CALHM4: variants seen among roughly 807,000 people sequenced by gnomAD.
CALHM4 encodes the protein calcium homeostasis modulator family member 4, also known as calcium homeostasis modulator protein 4.
CALHM4 carries 16 observed loss-of-function variants against 13.3 expected under a neutral mutation model. That is an observed-to-expected ratio of 1.20 (90% CI 0.81 to 1.82). CALHM4 has a LOEUF of 1.82. Among genes scored for constraint, CALHM4 ranks in the 40% most tolerant of loss-of-function variants. The probability of loss-of-function intolerance (pLI) is 0.00; values close to 1 mark genes in which losing one functional copy is unlikely to be tolerated. For synonymous variants in CALHM4, 127 were observed against 137.1 expected, an observed-to-expected ratio of 0.93 and a Z score of 0.52; for missense variants, 344 against 374.9, an observed-to-expected ratio of 0.92 and a Z score of 0.68.
upstream of CALHM4, among the ~76,000 whole-genome samples, chr6:116,550,385 G>A (rs1774026001): frequency 6.6e-6 from 1 of 151,972 alleles, no homozygotes; most frequent in Non-Finnish European, 1.5e-5. Context: ...TGGCACTTCC[G>A]CTCATCTGTG....
intron 1 of CALHM4, among the ~76,000 whole-genome samples, chr6:116,541,956 T>A (rs1425064626): frequency 1.3e-5 from 2 of 152,218 alleles, no homozygotes. Context: ...AAGATCTTTC[T>A]GCAGCTTCTC....
intron 1 of CALHM4, chr6:116,540,437 C>T (rs1773370197): frequency 6.4e-7 from 1 of 1,551,216 alleles, no homozygotes; most frequent in South Asian, 1.2e-5. Context: ...AAGTCTTCCA[C>T]AAGCCGCGTT....
chr6:116,531,076 A>G (rs942154209), intron 1 of CALHM4, among the ~76,000 whole-genome samples: 1 of 151,936 alleles, frequency 6.6e-6, no homozygotes, highest in Non-Finnish European at 1.5e-5. Context: ...TGTTCTATCT[A>G]ATTATCCTGC....
chr6:116,550,029 C>CAT (rs1774003460), upstream of CALHM4, among the ~76,000 whole-genome samples: 1 of 140,322 alleles, frequency 7.1e-6, no homozygotes, highest in Non-Finnish European at 1.5e-5. Context: ...TATATATACA[C>CAT]ACACACACAC....
chr6:116,541,116 G>C (rs1773423214), intron 1 of CALHM4, among the ~76,000 whole-genome samples: 1 of 152,018 alleles, frequency 6.6e-6, no homozygotes, highest in African/African-American at 2.4e-5. Context: ...AGCTCTAGTA[G>C]TGCCTGAAGT....
At chr6:116,556,420 T>C (rs1774319761) in intron 1 of CALHM4, among the ~76,000 whole-genome samples, 1 of 152,184 alleles carries the variant, frequency 6.6e-6, no homozygotes, top group Non-Finnish European at 1.5e-5. Flanking sequence ...AACCTGGAGC[T>C]CAGTAAATGA....
intron 1 of CALHM4, among the ~76,000 whole-genome samples, chr6:116,536,807 T>A (rs1773124501): frequency 6.6e-6 from 1 of 152,190 alleles, no homozygotes; most frequent in South Asian, 2.1e-4. Context: ...GGGAGCAGCA[T>A]GTGACTACAG....
chr6:116,553,801 C>T lies in CALHM4; in HGVS notation c.8C>T (p.Pro3Leu), dbSNP rs1374654810. 3.2e-6 allele frequency: 5 copies of T among 1,549,258 alleles called. No homozygotes were observed. In the Admixed American group the frequency reaches 7.9e-5, roughly 24 times the overall value. Residue 3 changes from proline to leucine, a missense_variant, in exon 1 of 2, where the codon CCA (proline) becomes CTA (leucine). Transcript: ENST00000368596. The stretch of plus-strand genomic sequence containing the variant: ...GTGTAACAGCTTCCCAAGATGTGCC[C>T]AACTCTCAACAATATTGTGTCTTCT... MC[P>L]TLNNIVSSLQ...
chr6:116,540,684 G>A (rs1476200147), intron 1 of CALHM4, among the ~76,000 whole-genome samples: 1 of 152,036 alleles, frequency 6.6e-6, no homozygotes, highest in African/African-American at 2.4e-5. Context: ...TCTCCTGCAA[G>A]CAGAAGAGTC....
At chr6:116,533,661 T>A (rs574381349) in intron 1 of CALHM4, among the ~76,000 whole-genome samples, 2 of 152,378 alleles carry the variant, frequency 1.3e-5, no homozygotes, top group Admixed American at 1.3e-4. Context: ...TGCTGTTCAA[T>A]GCCCTACTTG....
rs925575674 is a variant in CALHM4, at chr6:116,560,656, G to A, written c.*2445G>A. 4.1e-5 allele frequency among the ~76,000 whole-genome samples: 6 copies of A among 146,888 alleles called. No homozygotes were observed. The highest frequency in any genetic ancestry group is 5.0e-5 in the African/African-American group (2 of 40,092). On this transcript the variant is annotated 3_prime_UTR_variant, in exon 2 of 2. Coordinates refer to ENST00000368596, the MANE Select transcript of CALHM4 (RefSeq NM_001366078.2). ...AATGGAATTTTTAGTATTTTGGGGG[G>A]GGGGGGGGCTATGGTCTATAGCATT... is the stretch of plus-strand genomic sequence containing the variant.
At chr6:116,545,440 A>G (rs1773721266) in intron 2 of CALHM4, 1 of 1,516,858 alleles carries the variant, frequency 6.6e-7, no homozygotes, top group African/African-American at 1.4e-5. Context: ...TTTTCTCTGA[A>G]GTAGAAAAAA....
intron 2 of CALHM4, among the ~76,000 whole-genome samples, chr6:116,546,952 C>T (rs1036503619): frequency 7.9e-5 from 12 of 152,106 alleles, no homozygotes; most frequent in South Asian, 4.1e-4. Flanking sequence ...ACATGGTTTT[C>T]GTTCTCTTCA....
At chr6:116,554,943 A>G in intron 1 of CALHM4, among the ~76,000 whole-genome samples, 1 of 152,172 alleles carries the variant, frequency 6.6e-6, no homozygotes, top group East Asian at 1.9e-4. Flanking sequence ...TTGAATTTTA[A>G]AAGTGCTATT....
At chr6:116,537,429 G>A (rs772234858) in intron 1 of CALHM4, among the ~76,000 whole-genome samples, 22 of 152,230 alleles carry the variant, frequency 1.4e-4, no homozygotes, top group Non-Finnish European at 2.4e-4. Flanking sequence ...CTCTTTTAAA[G>A]ACAGAATATG....
At chr6:116,556,553 T>G (rs1774326212) in intron 1 of CALHM4, among the ~76,000 whole-genome samples, 1 of 152,182 alleles carries the variant, frequency 6.6e-6, no homozygotes. Context: ...ACTATCCCAC[T>G]GTGCACACAC....
intron 1 of CALHM4, among the ~76,000 whole-genome samples, chr6:116,556,312 T>C (rs1446919655): frequency 1.3e-5 from 2 of 152,238 alleles, no homozygotes; most frequent in African/African-American, 4.8e-5. Context: ...TGTCTCCTTT[T>C]TTAGGCTTAA....
intron 1 of CALHM4, among the ~76,000 whole-genome samples, chr6:116,534,699 A>G (rs1015057667): frequency 1.3e-5 from 2 of 151,812 alleles, no homozygotes; most frequent in African/African-American, 2.4e-5. Flanking sequence ...ATTGCTTCCT[A>G]TGATCATTTC....
At chr6:116,547,791 T>C (rs1773871248) in intron 2 of CALHM4, among the ~76,000 whole-genome samples, 1 of 152,236 alleles carries the variant, frequency 6.6e-6, no homozygotes, top group Non-Finnish European at 1.5e-5. Context: ...TTTTTCCTGT[T>C]TTACTAAGAG....
Sources: allele counts gnomAD v4.1 joint callset (sites outside exome capture counted in the v4.1 genomes callset), GRCh38; gene constraint gnomAD v4.1.1; transcripts MANE v1.5; gene names NCBI Gene and HGNC (gene_info 2026-07-23, HGNC 2026-07-21).